Variants in PVT1 observed in about 807,000 individuals in gnomAD.
PVT1 encodes the protein CXCR4/PVT1 fusion.
intron 4 of PVT1, among the ~76,000 whole-genome samples, chr8:128,065,283 C>G (rs1281694520): frequency 6.6e-6 from 1 of 152,028 alleles, no homozygotes; most frequent in East Asian, 1.9e-4. Context: ...TCTGTGCTTC[C>G]TGGGTTCAAG....
chr8:127,902,759 C>T (rs1010562703), intron 3 of PVT1, among the ~76,000 whole-genome samples: 4 of 152,068 alleles, frequency 2.6e-5, no homozygotes, highest in African/African-American at 7.2e-5. Flanking sequence ...CTGCAGAGAG[C>T]GTGATTCCAT....
At chr8:127,873,709 A>G (rs1815376336) in intron 2 of PVT1, among the ~76,000 whole-genome samples, 1 of 152,204 alleles carries the variant, frequency 6.6e-6, no homozygotes, top group Non-Finnish European at 1.5e-5. Flanking sequence ...CAAATGTGCT[A>G]TGGAGATTTC....
At chr8:127,876,253 AGTGTGTGTGTGT>A (rs56039408) in intron 2 of PVT1, among the ~76,000 whole-genome samples, 1 of 149,104 alleles carries the variant, frequency 6.7e-6, no homozygotes, top group Admixed American at 6.7e-5. Flanking sequence ...CCCAAACAGC[AGTGTGTGTGTGT>A]GTGTGTGTGT....
chr8:127,800,343 T>C (rs1168142668), intron 2 of PVT1, among the ~76,000 whole-genome samples: 4 of 152,196 alleles, frequency 2.6e-5, no homozygotes, highest in Non-Finnish European at 5.9e-5. Flanking sequence ...CAAAAATCCC[T>C]GCCCTCCTGA....
At chr8:128,058,200 G>A (rs1311639936) in intron 4 of PVT1, among the ~76,000 whole-genome samples, 2 of 152,224 alleles carry the variant, frequency 1.3e-5, no homozygotes, top group African/African-American at 2.4e-5. Flanking sequence ...TCCTAAGGAT[G>A]TATTGGGTAA....
At position 127,889,035 on chromosome 8, in the gene PVT1, T is replaced by TTCCTTC. The variant is rs1815561979; in HGVS notation, n.373-1554_373-1553insTCCTTC. ...TCAAACCCCTTTTCCTTTCTCTCTTTCTTTCTTCCTTCCTTCCTTCCTTCC... is the reference window on the plus strand; with the variant it reads ...TCAAACCCCTTTTCCTTTCTCTCTTTTCCTTCCTTTCTTCCTTCCTTCCTTCCTTCC... On this transcript the variant is annotated intron_variant and non_coding_transcript_variant, in intron 2 of 10. Coordinates refer to ENST00000651587, the Ensembl canonical transcript of PVT1. 2.5e-3 allele frequency among the ~76,000 whole-genome samples: 254 copies of TTCCTTC among 100,492 alleles called. 6 individuals are homozygous for TTCCTTC. Among genetic ancestry groups the TTCCTTC allele is most frequent in the African/African-American group, 8.1e-3 (229 of 28,386 alleles). The allele number at this position is 100,492 out of a possible 152,430, so 65.9% of individuals were successfully genotyped here.
chr8:127,977,133 C>G (rs1389318498), intron 3 of PVT1, among the ~76,000 whole-genome samples: 2 of 152,242 alleles, frequency 1.3e-5, no homozygotes, highest in Admixed American at 6.5e-5. Context: ...TCATCACTTA[C>G]TCTTGTTTGC....
chr8:127,825,538 G>C (rs1051130977), intron 2 of PVT1, among the ~76,000 whole-genome samples: 13 of 152,154 alleles, frequency 8.5e-5, no homozygotes, highest in African/African-American at 2.7e-4. Context: ...TAGCTTTGAA[G>C]GGGCACAGCT....
At chr8:127,821,773 C>A (rs1814732014) in intron 2 of PVT1, among the ~76,000 whole-genome samples, 1 of 151,764 alleles carries the variant, frequency 6.6e-6, no homozygotes, top group Non-Finnish European at 1.5e-5. Context: ...GATCGCACCA[C>A]TGAACTCCAG....
intron 3 of PVT1, among the ~76,000 whole-genome samples, chr8:127,979,693 G>A (rs1279335016): frequency 6.6e-6 from 1 of 152,172 alleles, no homozygotes; most frequent in African/African-American, 2.4e-5. Flanking sequence ...TGAGGTGAGG[G>A]TTGATCAGTC....
chr8:127,981,586 AC>A (rs1354677048), intron 3 of PVT1, among the ~76,000 whole-genome samples: 3 of 152,226 alleles, frequency 2.0e-5, no homozygotes, highest in Non-Finnish European at 4.4e-5. Context: ...TTTAGGGCTG[AC>A]TTAATAACTT....
intron 3 of PVT1, among the ~76,000 whole-genome samples, chr8:127,933,663 C>T (rs375267283): frequency 1.6e-4 from 24 of 152,252 alleles, no homozygotes; most frequent in African/African-American, 4.8e-4. Flanking sequence ...ACCTTGGAGA[C>T]ATCTGCCTAG....
intron 3 of PVT1, among the ~76,000 whole-genome samples, chr8:127,980,791 CTTTT>C (rs11361552): frequency 2.5e-5 from 3 of 120,408 alleles, no homozygotes; most frequent in African/African-American, 6.2e-5. Flanking sequence ...ACTACAGCTT[CTTTT>C]TTTTTTTTTT....
chr8:128,055,538 G>A (rs934504873), intron 4 of PVT1, among the ~76,000 whole-genome samples: 1 of 152,178 alleles, frequency 6.6e-6, no homozygotes, highest in Non-Finnish European at 1.5e-5. Context: ...TTTACTGCAA[G>A]CCATGTAGCT....
intron 3 of PVT1, among the ~76,000 whole-genome samples, chr8:127,907,392 T>C (rs1370476292): frequency 6.6e-6 from 1 of 152,158 alleles, no homozygotes; most frequent in Non-Finnish European, 1.5e-5. Context: ...TTGAAGACAC[T>C]CTGGCCTTCA....
intron 3 of PVT1, among the ~76,000 whole-genome samples, chr8:127,963,747 C>A (rs1816672671): frequency 6.6e-6 from 1 of 152,130 alleles, no homozygotes; most frequent in South Asian, 2.1e-4. Context: ...GGGGAGGAAG[C>A]TGATCTAGCT....
chr8:127,908,982 CT>C (rs1815858098), intron 3 of PVT1, among the ~76,000 whole-genome samples: 1 of 152,200 alleles, frequency 6.6e-6, no homozygotes, highest in Admixed American at 6.5e-5. Flanking sequence ...GTTGGTTGCT[CT>C]GTCCTCTTAG....
intron 2 of PVT1, among the ~76,000 whole-genome samples, chr8:127,838,423 A>G (rs1586400913): frequency 6.6e-6 from 1 of 152,148 alleles, no homozygotes; most frequent in South Asian, 2.1e-4. Flanking sequence ...AACAAGGTCT[A>G]GCCAGGTGCG....
At position 127,847,668 on chromosome 8, in the gene PVT1, C is replaced by T. The variant is rs115181869; in HGVS notation, n.373-42921C>T. The stretch of plus-strand genomic sequence containing the variant: ...TAAGGAAGTGCTGTGTGCACAAACA[C>T]GGGGAGATCTCAGGATGTATTGTTG... On this transcript the variant is annotated intron_variant and non_coding_transcript_variant, in intron 2 of 10. Coordinates refer to ENST00000651587, the Ensembl canonical transcript of PVT1. Among the ~76,000 whole-genome samples the T allele has an allele frequency of 3.7e-3, 565 of 152,238 alleles. 6 individuals carry two copies. Among genetic ancestry groups the T allele is most frequent in the African/African-American group, 0.013 (522 of 41,540 alleles).
Sources: allele counts gnomAD v4.1 joint callset (sites outside exome capture counted in the v4.1 genomes callset), GRCh38; gene constraint gnomAD v4.1.1; transcripts MANE v1.5; gene names NCBI Gene and HGNC (gene_info 2026-07-23, HGNC 2026-07-21).